The following SLC14A2 variants were observed in gnomAD, a reference collection of about 807,000 sequenced individuals.
SLC14A2 encodes the protein urea transporter 2.
Under a neutral mutation model 104.6 loss-of-function variants are expected in SLC14A2, and 91 were observed. That is an observed-to-expected ratio of 0.87 (90% confidence interval 0.73 to 1.04). SLC14A2 has a LOEUF of 1.04. SLC14A2 is among the 50% of genes least tolerant of loss of function. The pLI, the probability that SLC14A2 is intolerant of heterozygous loss-of-function variation, is 0.00. For missense variants in SLC14A2, 1,189 were observed against 1,156.0 expected, an observed-to-expected ratio of 1.03 and a Z score of -0.41; for synonymous variants, 476 against 466.4, an observed-to-expected ratio of 1.02 and a Z score of -0.27.
intron 1 of SLC14A2, among the ~76,000 whole-genome samples, chr18:45,268,271 T>C (rs944937171): frequency 2.6e-5 from 4 of 152,282 alleles, no homozygotes; most frequent in African/African-American, 9.6e-5. Context: ...AGCCCTACAC[T>C]AGGATCTGGA....
intron 1 of SLC14A2, among the ~76,000 whole-genome samples, chr18:45,389,102 C>T (rs1333555095): frequency 2.0e-5 from 3 of 152,126 alleles, no homozygotes; most frequent in Non-Finnish European, 4.4e-5. Flanking sequence ...TGTATGACAC[C>T]TGTGCAAGCC....
intron 1 of SLC14A2, among the ~76,000 whole-genome samples, chr18:45,376,578 TC>T (rs1320205238): frequency 6.6e-6 from 1 of 152,158 alleles, no homozygotes; most frequent in Non-Finnish European, 1.5e-5. Flanking sequence ...GAAAATCATT[TC>T]AGGCTACTCT....
chr18:45,668,013 G>A lies in SLC14A2; in HGVS notation c.1898G>A (p.Ser633Asn). The A allele has an allele frequency of 6.2e-7, 1 of 1,614,128 alleles. No homozygotes were observed. Among genetic ancestry groups the A allele is most frequent in the South Asian group, 1.1e-5 (1 of 91,078 alleles). Residue 633 changes from serine to asparagine, a missense_variant, in exon 14 of 20, where the codon AGT (serine) becomes AAT (asparagine). By Grantham distance (46) the Ser-to-Asn change is conservative. Transcript: ENST00000255226. ...TCCACCTTGACAGCCCTCATCCTGAGTCAGGACAAGTAAGTCCCAGAGGCT... is the reference window on the plus strand; with the variant it reads ...TCCACCTTGACAGCCCTCATCCTGAATCAGGACAAGTAAGTCCCAGAGGCT... ...IMSTLTALIL[S>N]QDKSAIAAGF... is the part of the protein sequence containing the mutation.
In SLC14A2 at chr18:45,267,716, C is replaced by T. The variant is rs1260835521; in HGVS notation, c.-125+54525C>T. On this transcript the variant is annotated intron_variant, in intron 1 of 20. Transcript: ENST00000586448. ...CCATTTATGTAATGTGGAGGACATT[C>T]CTGGAAAGAAATATGACCATTATTG... is the stretch of plus-strand genomic sequence containing the variant. Among the ~76,000 whole-genome samples, 3 of 152,024 alleles carry T rather than the reference C, an allele frequency of 2.0e-5. No individual in the cohort carries two copies. The East Asian group carries it at 5.8e-4, about 29-fold the overall frequency.
At chr18:45,172,879 A>G in the SLC14A2 span, among the ~76,000 whole-genome samples, 3 of 152,160 alleles carry the variant, frequency 2.0e-5, no homozygotes, top group African/African-American at 4.8e-5. Context: ...TTACTGTTAA[A>G]TAAACACTAA....
chr18:45,519,753 A>C (rs1189347765), intron 2 of SLC14A2, among the ~76,000 whole-genome samples: 1 of 152,206 alleles, frequency 6.6e-6, no homozygotes, highest in African/African-American at 2.4e-5. Flanking sequence ...GGCTCAGAGA[A>C]ATTCCACCCG....
chr18:45,679,038 G>A lies in SLC14A2; in HGVS notation c.2562+14G>A. 6.2e-7 allele frequency: 1 copy of A among 1,610,526 alleles called. No individual in the cohort carries two copies. Among genetic ancestry groups the A allele is most frequent in the Non-Finnish European group, 8.5e-7 (1 of 1,179,028 alleles). ...ATGTTATCTGTGGTGAGTCAACACA[G>A]GCTCAGAACGTGCCTACAACATCCT... is the stretch of plus-strand genomic sequence containing the variant. On this transcript the variant is annotated intron_variant, in intron 19 of 19. Coordinates refer to ENST00000255226, the MANE Select transcript of SLC14A2 (RefSeq NM_007163.4).
At position 45,669,352 on chromosome 18, in the gene SLC14A2, C is replaced by T. The variant is rs201070735; in HGVS notation, c.2083C>T (p.Leu695Phe). The change falls in exon 16 of 20, where the codon CTC (leucine) becomes TTC (phenylalanine). Residue 695 changes from leucine to phenylalanine, a missense_variant. Transcript: ENST00000255226. Reference sequence around the variant, plus strand: ...GGGTACCATCTTCAGCAAGTGGGACCTCCCAGTCTTCACACTGCCCTTCAA... The same window carrying T: ...GGGTACCATCTTCAGCAAGTGGGACTTCCCAGTCTTCACACTGCCCTTCAA... ...ALGTIFSKWD[L>F]PVFTLPFNIT... 4.3e-6 allele frequency: 7 copies of T among 1,614,106 alleles called. No individual in the cohort carries two copies. Among genetic ancestry groups the T allele is most frequent in the Non-Finnish European group, 4.2e-6 (5 of 1,179,958 alleles).
At chr18:45,271,871 A>G (rs903004734) in intron 1 of SLC14A2, among the ~76,000 whole-genome samples, 49 of 152,192 alleles carry the variant, frequency 3.2e-4, no homozygotes, top group African/African-American at 1.2e-3. Flanking sequence ...ACAAAACTGG[A>G]GGAACCACAT....
intron 1 of SLC14A2, among the ~76,000 whole-genome samples, chr18:45,244,483 C>T (rs912793795): frequency 1.3e-5 from 2 of 152,118 alleles, no homozygotes; most frequent in South Asian, 2.1e-4. Flanking sequence ...AAAAATTAGC[C>T]GGGCGTGGTG....
intron 2 of SLC14A2, among the ~76,000 whole-genome samples, chr18:45,566,515 G>A (rs1304966074): frequency 1.3e-5 from 2 of 149,970 alleles, no homozygotes; most frequent in Admixed American, 1.3e-4. Flanking sequence ...GCTCACGCTC[G>A]CACACACACA....
chr18:45,573,568 G>T (rs1243143819), intron 2 of SLC14A2, among the ~76,000 whole-genome samples: 3 of 152,192 alleles, frequency 2.0e-5, no homozygotes, highest in African/African-American at 7.2e-5. Flanking sequence ...GGGCTGAAAT[G>T]AATTCAGGCA....
chr18:45,628,393 G>C (rs894074995), intron 4 of SLC14A2, among the ~76,000 whole-genome samples: 1 of 150,092 alleles, frequency 6.7e-6, no homozygotes, highest in African/African-American at 2.5e-5. Flanking sequence ...GCAGTTAGCC[G>C]AGATCGCACC....
intron 1 of SLC14A2, among the ~76,000 whole-genome samples, chr18:45,336,393 A>G (rs1339619156): frequency 6.6e-6 from 1 of 152,042 alleles, no homozygotes; most frequent in Non-Finnish European, 1.5e-5. Context: ...AGCCTGCCAT[A>G]GTTAATAATT....
chr18:45,260,630 T>C (rs1332244598), intron 1 of SLC14A2, among the ~76,000 whole-genome samples: 1 of 152,096 alleles, frequency 6.6e-6, no homozygotes, highest in Non-Finnish European at 1.5e-5. Flanking sequence ...TACTCAGCCA[T>C]AAAAAATAAT....
At chr18:45,646,580 G>A (rs1280617605) in intron 10 of SLC14A2, 1 of 152,176 alleles carries the variant, frequency 6.6e-6, no homozygotes, top group African/African-American at 2.4e-5. Context: ...GGATCCCCAG[G>A]AGAGGAAAAC....
At position 45,547,089 on chromosome 18, in the gene SLC14A2, C is replaced by A. The variant is rs564614205; in HGVS notation, c.-35+63767C>A. Among the ~76,000 whole-genome samples the A allele has an allele frequency of 3.9e-5, 6 of 152,212 alleles. No individual in the cohort carries two copies. In the East Asian group the frequency reaches 1.2e-3, roughly 29 times the overall value. On this transcript the variant is annotated intron_variant, in intron 2 of 20. Transcript: ENST00000586448. ...TAGGGCATGGGCTAATCAGACGGTC[C>A]AGAGCTCCTTCATGTCCCAGGTAGC... is the stretch of plus-strand genomic sequence containing the variant.
intron 1 of SLC14A2, among the ~76,000 whole-genome samples, chr18:45,363,837 G>A (rs1373141199): frequency 7.3e-6 from 1 of 137,150 alleles, no homozygotes; most frequent in Non-Finnish European, 1.6e-5. Flanking sequence ...TGGGGATGGG[G>A]GAAAGTCACC....
intron 1 of SLC14A2, among the ~76,000 whole-genome samples, chr18:45,301,063 A>G (rs1045600982): frequency 2.0e-5 from 3 of 152,214 alleles, no homozygotes; most frequent in African/African-American, 4.8e-5. Context: ...ATATAAGCAG[A>G]TCGTCTGCCT....
Sources: allele counts gnomAD v4.1 joint callset (sites outside exome capture counted in the v4.1 genomes callset), GRCh38; gene constraint gnomAD v4.1.1; transcripts MANE v1.5; gene names NCBI Gene and HGNC (gene_info 2026-07-23, HGNC 2026-07-21).